Variants in TMEM132D observed in about 807,000 individuals in gnomAD.
TMEM132D encodes transmembrane protein 132D.
In TMEM132D, 21 loss-of-function variants were observed where a neutral mutation model predicts 62.3. That is an observed-to-expected ratio of 0.34 (90% CI 0.24 to 0.49). The LOEUF (loss-of-function observed/expected upper bound fraction) is 0.49. Ranked by LOEUF, TMEM132D falls within the 20% of genes least tolerant of loss-of-function variation. The pLI, the probability that TMEM132D is intolerant of heterozygous loss-of-function variation, is 0.99. For synonymous variants in TMEM132D, 621 were observed against 575.6 expected (o/e 1.08, Z -1.13); for missense variants, 1,346 against 1,402.8 (o/e 0.96, Z 0.65).
intron 1 of TMEM132D, among the ~76,000 whole-genome samples, chr12:129,874,312 AG>A (rs1359229476): frequency 1.3e-5 from 2 of 152,158 alleles, no homozygotes; most frequent in Admixed American, 1.3e-4. Flanking sequence ...CGGGAGGCTG[AG>A]GCAGGAGAAT....
At chr12:129,140,214 C>CCACACACACACACACACA (rs58179230) in intron 5 of TMEM132D, among the ~76,000 whole-genome samples, 28 of 148,660 alleles carry the variant, frequency 1.9e-4, no homozygotes, top group African/African-American at 6.4e-4. Flanking sequence ...GGCGCTGTTA[C>CCACACACACACACACACA]CACACACACA....
intron 3 of TMEM132D, among the ~76,000 whole-genome samples, chr12:129,432,143 A>T (rs1593005892): frequency 6.8e-6 from 1 of 146,452 alleles, no homozygotes; most frequent in Admixed American, 6.9e-5. Flanking sequence ...GGATGGATGG[A>T]TGGATGGATG....
At chr12:129,376,067 A>C (rs1870771330) in intron 3 of TMEM132D, among the ~76,000 whole-genome samples, 1 of 152,212 alleles carries the variant, frequency 6.6e-6, no homozygotes. Flanking sequence ...TGTGATGTTA[A>C]CATTTCAGAG....
At chr12:129,672,038 C>G (rs915410531) in intron 2 of TMEM132D, among the ~76,000 whole-genome samples, 18 of 152,274 alleles carry the variant, frequency 1.2e-4, no homozygotes, top group African/African-American at 4.3e-4. Context: ...ATGACCTGAT[C>G]GTGCAAAAAT....
chr12:129,392,622 C>T (rs993928169), intron 3 of TMEM132D, among the ~76,000 whole-genome samples: 2 of 152,174 alleles, frequency 1.3e-5, no homozygotes, highest in Admixed American at 6.5e-5. Context: ...CTAGGAACCT[C>T]GTTACAAATG....
intron 2 of TMEM132D, among the ~76,000 whole-genome samples, chr12:129,615,239 A>G (rs1281793870): frequency 6.6e-6 from 1 of 152,076 alleles, no homozygotes; most frequent in Admixed American, 6.6e-5. Context: ...CTGGGGATGA[A>G]TCACTGAATT....
intron 4 of TMEM132D, among the ~76,000 whole-genome samples, chr12:129,267,169 G>T (rs1566016795): frequency 6.6e-6 from 1 of 151,702 alleles, no homozygotes; most frequent in African/African-American, 2.4e-5. Context: ...CCTGTTGAGG[G>T]TTTTTTTTCT....
At chr12:129,436,450 T>A (rs1872789605) in intron 3 of TMEM132D, among the ~76,000 whole-genome samples, 1 of 152,164 alleles carries the variant, frequency 6.6e-6, no homozygotes, top group Non-Finnish European at 1.5e-5. Flanking sequence ...TATTTGTATT[T>A]CAAAAGACCA....
chr12:129,559,962 T>C (rs927713523), intron 2 of TMEM132D, among the ~76,000 whole-genome samples: 8 of 152,210 alleles, frequency 5.3e-5, no homozygotes, highest in Admixed American at 3.3e-4. Flanking sequence ...AAAAGAGTAC[T>C]GTTCAGGGTA....
intron 5 of TMEM132D, among the ~76,000 whole-genome samples, chr12:129,144,830 G>A (rs975095904): frequency 7.9e-5 from 12 of 151,732 alleles, no homozygotes; most frequent in Admixed American, 4.6e-4. Flanking sequence ...GCTCTCTATT[G>A]ATTATCTATC....
At chr12:129,380,398 A>G (rs10773643) in intron 3 of TMEM132D, among the ~76,000 whole-genome samples, 102,353 of 151,600 alleles carry the variant, frequency 0.68, 34,975 homozygotes, top group Middle Eastern at 0.72. Flanking sequence ...TTGTAGTTTC[A>G]CATGATCACG....
intron 5 of TMEM132D, among the ~76,000 whole-genome samples, chr12:129,195,814 GA>G (rs369050381): frequency 1.3e-5 from 2 of 152,094 alleles, no homozygotes; most frequent in East Asian, 1.9e-4. Context: ...TTCAACAACA[GA>G]AAAAAACTGA....
intron 4 of TMEM132D, 117 bp downstream of exon 4, chr12:129,337,517 A>T: frequency 8.1e-7 from 1 of 1,241,722 alleles, no homozygotes; most frequent in Non-Finnish European, 1.1e-6. Context: ...TTCGTTTCTC[A>T]CTGTCCTGAT....
intron 3 of TMEM132D, among the ~76,000 whole-genome samples, chr12:129,369,206 G>A (rs1200931643): frequency 6.6e-6 from 1 of 152,158 alleles, no homozygotes; most frequent in Non-Finnish European, 1.5e-5. Context: ...GCATATCTGT[G>A]GTGTCTGTGT....
At chr12:129,422,711 A>C (rs541055922) in intron 3 of TMEM132D, among the ~76,000 whole-genome samples, 3 of 152,306 alleles carry the variant, frequency 2.0e-5, no homozygotes, top group East Asian at 1.9e-4. Flanking sequence ...GAAAATCACC[A>C]GTAAGTAAGG....
chr12:129,639,665 G>T lies in TMEM132D; in HGVS notation c.968+60145C>A, dbSNP rs187809699. On this transcript the variant is annotated intron_variant, in intron 2 of 8. Transcript: ENST00000422113. ...CACATTCATAAAAGTACAAGTCAGGGTGCATCTCCACCTGCTCAGGACCCT... is the reference window on the plus strand; with the variant it reads ...CACATTCATAAAAGTACAAGTCAGGTTGCATCTCCACCTGCTCAGGACCCT... Among the ~76,000 whole-genome samples the T allele has an allele frequency of 1.2e-3, 176 of 152,152 alleles. 2 individuals carry two copies. Among genetic ancestry groups the T allele is most frequent in the African/African-American group, 4.0e-3 (165 of 41,508 alleles).
chr12:129,606,924 G>A (rs1878640673), intron 2 of TMEM132D, among the ~76,000 whole-genome samples: 1 of 152,178 alleles, frequency 6.6e-6, no homozygotes, highest in African/African-American at 2.4e-5. Context: ...GGTGGCAGGT[G>A]CATTGTTCAT....
At chr12:129,320,917 G>A (rs1868679771) in intron 4 of TMEM132D, among the ~76,000 whole-genome samples, 1 of 150,450 alleles carries the variant, frequency 6.6e-6, no homozygotes, top group Non-Finnish European at 1.5e-5. Flanking sequence ...TGACTTAAAT[G>A]AATAATAAAA....
chr12:129,688,207 T>G (rs2137214459), intron 2 of TMEM132D, among the ~76,000 whole-genome samples: 1 of 152,284 alleles, frequency 6.6e-6, no homozygotes. Context: ...AGGCATTTAC[T>G]TACATGAATC....
Sources: allele counts gnomAD v4.1 joint callset (sites outside exome capture counted in the v4.1 genomes callset), GRCh38; gene constraint gnomAD v4.1.1; transcripts MANE v1.5; gene names NCBI Gene and HGNC (gene_info 2026-07-23, HGNC 2026-07-21).